Variants in PCDH15 observed in about 807,000 individuals in gnomAD.
The protein encoded by PCDH15 is protocadherin-15.
Under a neutral mutation model 178.5 loss-of-function variants are expected in PCDH15, and 129 were observed. That is an observed-to-expected ratio of 0.72 (90% confidence interval 0.63 to 0.84). The LOEUF (loss-of-function observed/expected upper bound fraction) is 0.84, where lower values mean the gene tolerates loss of function less well. Among genes scored for constraint, PCDH15 ranks in the 40% least tolerant of loss-of-function variants. PCDH15 has a pLI of 0.00. For missense variants in PCDH15, 2,230 were observed against 2,099.9 expected (o/e 1.06, Z -1.21); for synonymous variants, 800 against 732.0 (o/e 1.09, Z -1.50).
chr10:55,464,700 GTA>G (rs769315637), intron 2 of PCDH15, among the ~76,000 whole-genome samples: 1 of 147,420 alleles, frequency 6.8e-6, no homozygotes, highest in Non-Finnish European at 1.5e-5. Flanking sequence ...ATATGTATGT[GTA>G]TATATATATA....
chr10:54,959,214 G>C (rs1464919194), intron 2 of PCDH15, among the ~76,000 whole-genome samples: 1 of 151,722 alleles, frequency 6.6e-6, no homozygotes, highest in Non-Finnish European at 1.5e-5. Context: ...GCTGCCATTA[G>C]AGGTTAGTAT....
chr10:53,851,345 C>T (rs768841714), intron 28 of PCDH15, among the ~76,000 whole-genome samples: 3 of 151,748 alleles, frequency 2.0e-5, no homozygotes, highest in African/African-American at 4.8e-5. Flanking sequence ...TTTATGCAAT[C>T]GAATAGAAGC....
At chr10:54,632,242 G>A (rs2093722767) in intron 2 of PCDH15, among the ~76,000 whole-genome samples, 1 of 152,006 alleles carries the variant, frequency 6.6e-6, no homozygotes, top group Non-Finnish European at 1.5e-5. Flanking sequence ...GGGTACACAT[G>A]GACATAAATA....
chr10:54,031,332 C>G (rs2093288255), intron 18 of PCDH15, among the ~76,000 whole-genome samples: 1 of 151,960 alleles, frequency 6.6e-6, no homozygotes, highest in South Asian at 2.1e-4. Context: ...CCTCTTCTTT[C>G]CATCCAGCCT....
At chr10:54,625,220 T>C (rs2093507713) in intron 2 of PCDH15, among the ~76,000 whole-genome samples, 1 of 152,178 alleles carries the variant, frequency 6.6e-6, no homozygotes, top group African/African-American at 2.4e-5. Flanking sequence ...ATAGAGGCCC[T>C]ATCTTTCTCA....
intron 8 of PCDH15, among the ~76,000 whole-genome samples, chr10:54,301,061 C>T (rs2060122289): frequency 6.6e-6 from 1 of 152,084 alleles, no homozygotes; most frequent in Non-Finnish European, 1.5e-5. Flanking sequence ...ACCACGAACC[C>T]ACCGGAAGGA....
intron 2 of PCDH15, among the ~76,000 whole-genome samples, chr10:55,471,806 C>T (rs1839960825): frequency 1.3e-5 from 2 of 152,168 alleles, no homozygotes; most frequent in African/African-American, 2.4e-5. Context: ...TACAGTTTCC[C>T]CAAGTTCACA....
rs2085766148 is a variant in PCDH15 at position 53,938,462 on chromosome 10, A to G, written c.3373+353T>C. ...GTAAATACAAGAAGCCACACAATTC[A>G]GGCAATTTCTAGAAGTCATTCATTA... On this transcript the variant is annotated intron_variant, in intron 25 of 37. Transcript: ENST00000644397. Among the ~76,000 whole-genome samples the G allele has an allele frequency of 2.0e-5, 3 of 152,186 alleles. No homozygotes were observed. In the South Asian group the frequency reaches 6.2e-4, roughly 31 times the overall value.
chr10:55,216,084 G>A (rs534663435), intron 1 of PCDH15, among the ~76,000 whole-genome samples: 2 of 151,704 alleles, frequency 1.3e-5, no homozygotes, highest in Admixed American at 6.6e-5. Context: ...TTCCTTACAT[G>A]TAAAATATAT....
intron 14 of PCDH15, among the ~76,000 whole-genome samples, chr10:54,146,537 T>A (rs916506013): frequency 6.6e-6 from 1 of 151,878 alleles, no homozygotes; most frequent in Non-Finnish European, 1.5e-5. Flanking sequence ...ATAACTTAAG[T>A]GTTTTTTAAA....
At chr10:54,800,020 A>G (rs1435718891) in intron 1 of PCDH15, among the ~76,000 whole-genome samples, 1 of 152,138 alleles carries the variant, frequency 6.6e-6, no homozygotes, top group African/African-American at 2.4e-5. Context: ...TAGATTTGAC[A>G]ATTGGCTCTT....
At chr10:54,248,323 T>C (rs1018166566) in intron 8 of PCDH15, among the ~76,000 whole-genome samples, 1 of 152,038 alleles carries the variant, frequency 6.6e-6, no homozygotes, top group Admixed American at 6.6e-5. Flanking sequence ...TAAGATAGTC[T>C]GCCAGAGAGT....
At chr10:55,197,901 A>G (rs1840138893) in intron 1 of PCDH15, among the ~76,000 whole-genome samples, 1 of 152,146 alleles carries the variant, frequency 6.6e-6, no homozygotes, top group Non-Finnish European at 1.5e-5. Context: ...GATGGATATA[A>G]AGATTAAGAT....
intron 1 of PCDH15, among the ~76,000 whole-genome samples, chr10:55,189,026 G>A (rs974503761): frequency 2.0e-5 from 3 of 151,636 alleles, no homozygotes; most frequent in African/African-American, 7.3e-5. Flanking sequence ...CTGAGTGTAG[G>A]TTACCTTTGT....
chr10:54,418,459 T>A lies in PCDH15; in HGVS notation c.158-39517A>T, dbSNP rs941346640. On this transcript the variant is annotated intron_variant, in intron 3 of 37. Transcript: ENST00000644397. Reference sequence around the variant, plus strand: ...ACAGAACCTATGTTTAGGTATAGTATCACTGTTCATCCAGCCTTCATTCAC... The same window carrying A: ...ACAGAACCTATGTTTAGGTATAGTAACACTGTTCATCCAGCCTTCATTCAC... Among the ~76,000 whole-genome samples, 38 of 152,168 alleles carry A rather than the reference T, an allele frequency of 2.5e-4. No individual in the cohort carries two copies. In the South Asian group the frequency reaches 4.1e-3, roughly 17 times the overall value.
At chr10:54,427,980 A>C (rs1277275540) in intron 3 of PCDH15, among the ~76,000 whole-genome samples, 1 of 152,204 alleles carries the variant, frequency 6.6e-6, no homozygotes, top group East Asian at 1.9e-4. Context: ...ACAAAACAAC[A>C]AAAACAACAA....
intron 2 of PCDH15, among the ~76,000 whole-genome samples, chr10:55,453,804 T>G (rs1356203051): frequency 6.6e-6 from 1 of 152,132 alleles, no homozygotes; most frequent in Non-Finnish European, 1.5e-5. Flanking sequence ...CCAGGCTTCT[T>G]CTTGCATTAA....
At chr10:54,956,342 T>C (rs989370943) in intron 2 of PCDH15, among the ~76,000 whole-genome samples, 1 of 151,562 alleles carries the variant, frequency 6.6e-6, no homozygotes, top group Non-Finnish European at 1.5e-5. Context: ...CAATGAGTTA[T>C]ATAAACTAAT....
chr10:55,440,629 C>A (rs532490922), intron 2 of PCDH15, among the ~76,000 whole-genome samples: 34 of 152,194 alleles, frequency 2.2e-4, no homozygotes, highest in South Asian at 2.1e-3. Flanking sequence ...ATAATTGGTA[C>A]TGTAAAAATT....
Sources: gnomAD v4.1 joint callset for allele counts (sites outside exome capture counted in the v4.1 genomes callset) on GRCh38, gnomAD v4.1.1 for gene constraint, MANE v1.5 for transcripts, NCBI Gene and HGNC (gene_info 2026-07-23, HGNC 2026-07-21) for gene names.